Variants in CDKAL1 observed in about 807,000 individuals in gnomAD.
CDKAL1 encodes threonylcarbamoyladenosine tRNA methylthiotransferase.
A neutral mutation model predicts 68.2 loss-of-function variants in CDKAL1; 32 were observed. That is an observed-to-expected ratio of 0.47 (90% confidence interval 0.35 to 0.63). The LOEUF (loss-of-function observed/expected upper bound fraction) is 0.63. CDKAL1 is among the 30% of genes least tolerant of loss of function. CDKAL1 has a pLI of 0.00. For missense variants in CDKAL1, 606 were observed against 696.7 expected, an observed-to-expected ratio of 0.87 and a Z score of 1.47; for synonymous variants, 234 against 244.3, an observed-to-expected ratio of 0.96 and a Z score of 0.39.
intron 4 of CDKAL1, among the ~76,000 whole-genome samples, chr6:20,554,623 G>T (rs1763964316): frequency 6.6e-6 from 1 of 152,184 alleles, no homozygotes; most frequent in Non-Finnish European, 1.5e-5. Flanking sequence ...AAGAGTAGCT[G>T]TGATTCTTAC....
intron 9 of CDKAL1, among the ~76,000 whole-genome samples, chr6:20,888,656 T>C (rs1352386058): frequency 6.6e-6 from 1 of 151,206 alleles, no homozygotes; most frequent in African/African-American, 2.4e-5. Context: ...TTGCTGAGAA[T>C]GATGATTTCC....
intron 9 of CDKAL1, among the ~76,000 whole-genome samples, chr6:20,933,165 G>T (rs1026738961): frequency 6.6e-6 from 1 of 152,120 alleles, no homozygotes; most frequent in Non-Finnish European, 1.5e-5. Context: ...GAAGGAAAAG[G>T]AGTTTCTTCA....
intron 5 of CDKAL1, among the ~76,000 whole-genome samples, chr6:20,732,440 T>TG (rs1295770352): frequency 5.8e-5 from 8 of 138,052 alleles, no homozygotes; most frequent in African/African-American, 2.3e-4. Flanking sequence ...GACACCTGGC[T>TG]ATTTTTTTTT....
intron 9 of CDKAL1, among the ~76,000 whole-genome samples, chr6:20,942,457 T>C (rs981421082): frequency 2.1e-4 from 32 of 150,028 alleles, no homozygotes; most frequent in African/African-American, 7.6e-4. Context: ...AACCTTCCTC[T>C]CCTGGGTTCA....
intron 8 of CDKAL1, among the ~76,000 whole-genome samples, chr6:20,787,189 T>G (rs1276579768): frequency 6.6e-6 from 1 of 152,190 alleles, no homozygotes; most frequent in Non-Finnish European, 1.5e-5. Flanking sequence ...GACAGACATA[T>G]GGTGGTAACT....
At chr6:20,603,997 A>G (rs1766224400) in intron 4 of CDKAL1, among the ~76,000 whole-genome samples, 1 of 148,988 alleles carries the variant, frequency 6.7e-6, no homozygotes, top group East Asian at 1.9e-4. Flanking sequence ...TGGAACAAAC[A>G]GGATGTGAAG....
intron 11 of CDKAL1, among the ~76,000 whole-genome samples, chr6:21,061,527 A>G (rs1771138737): frequency 6.6e-6 from 1 of 152,136 alleles, no homozygotes; most frequent in African/African-American, 2.4e-5. Flanking sequence ...TCTCAAAAAT[A>G]GCTTTTACCC....
chr6:20,923,973 C>T (rs913632695), intron 9 of CDKAL1, among the ~76,000 whole-genome samples: 2 of 151,606 alleles, frequency 1.3e-5, no homozygotes, highest in Non-Finnish European at 2.9e-5. Context: ...GATCACACTA[C>T]TGCACTCCAG....
In CDKAL1 at chr6:21,085,738, G is replaced by A. The variant is rs568589564; in HGVS notation, c.1236+20510G>A. The stretch of plus-strand genomic sequence containing the variant: ...GTATAATCCTCCTGGATCTACAGCC[G>A]CATTGGCCCTTGGGAATTTTCCTAG... On this transcript the variant is annotated intron_variant, in intron 12 of 15. Transcript: ENST00000274695. Among the ~76,000 whole-genome samples the A allele has an allele frequency of 1.4e-4, 21 of 152,184 alleles. No homozygotes were observed. The South Asian group carries it at 1.5e-3, about 11-fold the overall frequency.
At chr6:21,165,591 A>C (rs1044160858) in intron 13 of CDKAL1, among the ~76,000 whole-genome samples, 1 of 152,196 alleles carries the variant, frequency 6.6e-6, no homozygotes, top group Admixed American at 6.6e-5. Flanking sequence ...TAGAAGAAAC[A>C]ACATTAGTAA....
At chr6:21,206,147 T>G (rs963047131) in intron 15 of CDKAL1, among the ~76,000 whole-genome samples, 1 of 152,162 alleles carries the variant, frequency 6.6e-6, no homozygotes. Flanking sequence ...GCCTGTATTT[T>G]TAAGCCCAGG....
At chr6:20,921,997 A>G (rs1490009905) in intron 9 of CDKAL1, among the ~76,000 whole-genome samples, 5 of 152,336 alleles carry the variant, frequency 3.3e-5, no homozygotes, top group Admixed American at 6.5e-5. Flanking sequence ...GTAACTGTCA[A>G]TGAAGTACCT....
intron 8 of CDKAL1, among the ~76,000 whole-genome samples, chr6:20,793,801 A>ATT (rs1243182597): frequency 6.8e-6 from 1 of 147,306 alleles, no homozygotes; most frequent in East Asian, 1.9e-4. Flanking sequence ...TCAGATATAT[A>ATT]TTATATATAT....
intron 6 of CDKAL1, among the ~76,000 whole-genome samples, chr6:20,748,995 G>GTATATATATATA (rs1352605288): frequency 5.1e-5 from 7 of 138,132 alleles, no homozygotes; most frequent in African/African-American, 1.9e-4. Flanking sequence ...ATGTATGTGT[G>GTATATATATATA]TGTATATATA....
intron 9 of CDKAL1, among the ~76,000 whole-genome samples, chr6:20,853,242 C>T (rs761920519): frequency 1.3e-5 from 2 of 152,002 alleles, no homozygotes; most frequent in Non-Finnish European, 2.9e-5. Context: ...ATTAGCTAGG[C>T]GTGGTGGCGC....
In CDKAL1 at chr6:20,739,592, C is replaced by G. The variant is rs943251339; in HGVS notation, c.445C>G (p.Leu149Val). 1 of 1,610,538 alleles carries G rather than the reference C, an allele frequency of 6.2e-7. No individual in the cohort carries two copies. Among genetic ancestry groups the G allele is most frequent in the Non-Finnish European group, 8.5e-7 (1 of 1,177,332 alleles). Reference sequence around the variant, plus strand: ...TCAAGCCCAGCCTCGCCAGGACTACCTTAAGGGACTGAGTATCATTGGGGT... The same window carrying G: ...TCAAGCCCAGCCTCGCCAGGACTACGTTAAGGGACTGAGTATCATTGGGGT... ...VPQAQPRQDY[L>V]KGLSIIGVQQ... is the part of the protein sequence containing the mutation. The change falls in exon 6 of 16, where the codon CTT (leucine) becomes GTT (valine). Residue 149 changes from leucine (L) to valine (V), a missense_variant. Coordinates refer to ENST00000274695, the MANE Select transcript of CDKAL1 (RefSeq NM_017774.3).
At chr6:20,561,843 G>A (rs1304618319) in intron 4 of CDKAL1, among the ~76,000 whole-genome samples, 2 of 152,158 alleles carry the variant, frequency 1.3e-5, no homozygotes, top group African/African-American at 2.4e-5. Flanking sequence ...GATAAATGCA[G>A]TGTGTATGGG....
intron 4 of CDKAL1, among the ~76,000 whole-genome samples, chr6:20,642,807 G>A (rs1768246525): frequency 6.6e-6 from 1 of 152,062 alleles, no homozygotes; most frequent in South Asian, 2.1e-4. Context: ...AATGACATGT[G>A]TACATTGCTA....
intron 12 of CDKAL1, among the ~76,000 whole-genome samples, chr6:21,073,965 T>C (rs1771932788): frequency 6.6e-6 from 1 of 152,188 alleles, no homozygotes; most frequent in Admixed American, 6.5e-5. Flanking sequence ...TTTCCTTGTA[T>C]TATTCTCAGT....
Sources: gnomAD v4.1 joint callset for allele counts (sites outside exome capture counted in the v4.1 genomes callset) on GRCh38, gnomAD v4.1.1 for gene constraint, MANE v1.5 for transcripts, NCBI Gene and HGNC (gene_info 2026-07-23, HGNC 2026-07-21) for gene names.